TMEFF2: variants seen among roughly 807,000 people sequenced by gnomAD.
The protein encoded by TMEFF2 is tomoregulin-2.
TMEFF2 carries 28 observed loss-of-function variants against 53.8 expected under a neutral mutation model. The ratio of observed to expected loss-of-function variants is 0.52; its 90% CI spans 0.39 to 0.71. The LOEUF (loss-of-function observed/expected upper bound fraction) is 0.71, where lower values mean the gene tolerates loss of function less well. Among genes scored for constraint, TMEFF2 ranks in the 30% least tolerant of loss-of-function variants. The pLI is 0.00. For synonymous variants in TMEFF2, 162 were observed against 166.3 expected, an observed-to-expected ratio of 0.97 and a Z score of 0.20; for missense variants, 353 against 455.2, an observed-to-expected ratio of 0.78 and a Z score of 2.04.
chr2:192,033,408 T>C (rs1374137559), intron 5 of TMEFF2, among the ~76,000 whole-genome samples: 2 of 152,264 alleles, frequency 1.3e-5, no homozygotes, highest in South Asian at 4.2e-4. Flanking sequence ...TTAAGAAATT[T>C]GCATAAGGCC....
At chr2:191,984,392 TTC>T (rs1250469160) in intron 7 of TMEFF2, among the ~76,000 whole-genome samples, 8 of 152,102 alleles carry the variant, frequency 5.3e-5, no homozygotes, top group Non-Finnish European at 1.2e-4. Flanking sequence ...CTTCCTTACT[TTC>T]TGTTTATCCA....
intron 4 of TMEFF2, among the ~76,000 whole-genome samples, chr2:192,064,329 G>A (rs1688118394): frequency 6.6e-6 from 1 of 151,372 alleles, no homozygotes; most frequent in African/African-American, 2.4e-5. Flanking sequence ...CATTCTTATT[G>A]TCATGTATTT....
intron 4 of TMEFF2, among the ~76,000 whole-genome samples, chr2:192,058,511 A>C (rs1379469817): frequency 6.6e-6 from 1 of 152,182 alleles, no homozygotes. Flanking sequence ...TTACAAGTGC[A>C]AAAATAGGCA....
Position 191,961,380 on chromosome 2 carries a change from AAAAC to A in TMEFF2, c.746-5006_746-5003del, listed in dbSNP as rs772804644. Among the ~76,000 whole-genome samples, 160 of 152,308 alleles carry A rather than the reference AAAAC, an allele frequency of 1.1e-3. 1 individual carries two copies. The highest frequency in any genetic ancestry group is 2.2e-3 in the Admixed American group (34 of 15,296). On this transcript the variant is annotated intron_variant, in intron 7 of 9. Transcript: ENST00000272771. ...ACAAAATGTGTCATACTTCTATAGA[AAAAC>A]AAAAATTTTCAGTTTTGAATGTGTT... is the stretch of plus-strand genomic sequence containing the variant.
intron 4 of TMEFF2, among the ~76,000 whole-genome samples, chr2:192,069,660 A>G (rs1040695357): frequency 6.6e-6 from 1 of 151,790 alleles, no homozygotes; most frequent in Non-Finnish European, 1.5e-5. Flanking sequence ...GAAAATAAAT[A>G]TTTGTGGAAA....
chr2:192,163,294 C>T (rs143373401), intron 4 of TMEFF2, among the ~76,000 whole-genome samples: 2,254 of 152,240 alleles, frequency 0.015, 52 homozygotes, highest in African/African-American at 0.051. Context: ...AAAGGTGTTG[C>T]TAGTGATAAG....
At chr2:192,152,332 A>C (rs1227316551) in intron 4 of TMEFF2, among the ~76,000 whole-genome samples, 1 of 151,954 alleles carries the variant, frequency 6.6e-6, no homozygotes, top group Non-Finnish European at 1.5e-5. Context: ...CAATTCACCA[A>C]ATCAGAGATT....
intron 4 of TMEFF2, among the ~76,000 whole-genome samples, chr2:192,171,598 C>T (rs1302277355): frequency 6.6e-6 from 1 of 152,010 alleles, no homozygotes; most frequent in Non-Finnish European, 1.5e-5. Context: ...CTCATTTTAG[C>T]CCAACTAACA....
At chr2:192,107,149 A>G (rs1401585823) in intron 4 of TMEFF2, among the ~76,000 whole-genome samples, 4 of 151,798 alleles carry the variant, frequency 2.6e-5, no homozygotes, top group Admixed American at 2.6e-4. Context: ...TTTATTCTCT[A>G]TTTACTGTGG....
intron 4 of TMEFF2, among the ~76,000 whole-genome samples, chr2:192,145,575 A>C (rs938867978): frequency 6.6e-6 from 1 of 151,986 alleles, no homozygotes; most frequent in Non-Finnish European, 1.5e-5. Context: ...CAAAGCATTC[A>C]TCTTAAATAA....
At chr2:192,148,846 T>C (rs1559147019) in intron 4 of TMEFF2, among the ~76,000 whole-genome samples, 1 of 152,020 alleles carries the variant, frequency 6.6e-6, no homozygotes, top group Non-Finnish European at 1.5e-5. Context: ...GAAAGCCAAA[T>C]TATAGCAGCC....
intron 9 of TMEFF2, among the ~76,000 whole-genome samples, chr2:191,953,464 A>G (rs1465922559): frequency 3.9e-5 from 6 of 152,238 alleles, no homozygotes; most frequent in Admixed American, 3.9e-4. Context: ...AATCTTTATC[A>G]TCAGGCAAAA....
At chr2:192,139,874 C>CT (rs1391047977) in intron 4 of TMEFF2, among the ~76,000 whole-genome samples, 1 of 152,158 alleles carries the variant, frequency 6.6e-6, no homozygotes. Context: ...TTTAGGGATT[C>CT]TAATTGTAAA....
chr2:192,051,008 G>A (rs1156917494), intron 5 of TMEFF2, among the ~76,000 whole-genome samples: 1 of 151,966 alleles, frequency 6.6e-6, no homozygotes, highest in Non-Finnish European at 1.5e-5. Flanking sequence ...GGAATGAGAG[G>A]TATCTACTCT....
chr2:192,180,839 G>T lies in TMEFF2; in HGVS notation c.413-1145C>A, dbSNP rs1015401352. Among the ~76,000 whole-genome samples, 3 of 151,804 alleles carry T rather than the reference G, an allele frequency of 2.0e-5. No homozygotes were observed. In the East Asian group the frequency reaches 5.8e-4, roughly 29 times the overall value. On this transcript the variant is annotated intron_variant, in intron 3 of 9. Transcript: ENST00000272771. ...TGTTTGTCATGTATTGGCATTAGCAGTACCATGAAGGAGCAGTAGTTTGAA... is the reference window on the plus strand; with the variant it reads ...TGTTTGTCATGTATTGGCATTAGCATTACCATGAAGGAGCAGTAGTTTGAA...
At chr2:192,024,757 T>C (rs1283861959) in intron 5 of TMEFF2, among the ~76,000 whole-genome samples, 1 of 152,238 alleles carries the variant, frequency 6.6e-6, no homozygotes, top group African/African-American at 2.4e-5. Flanking sequence ...CAATGACTTT[T>C]GCAAAAACAT....
intron 4 of TMEFF2, among the ~76,000 whole-genome samples, chr2:192,165,710 T>C (rs1243003241): frequency 2.6e-5 from 4 of 151,408 alleles, no homozygotes; most frequent in East Asian, 1.9e-4. Flanking sequence ...AGGCAACTAC[T>C]GCATTTTTCT....
At chr2:192,096,528 T>C (rs1688908067) in intron 4 of TMEFF2, among the ~76,000 whole-genome samples, 1 of 152,124 alleles carries the variant, frequency 6.6e-6, no homozygotes, top group African/African-American at 2.4e-5. Context: ...GAATATTATT[T>C]TAAAAATTTA....
chr2:192,126,726 T>C (rs1320290248), intron 4 of TMEFF2, among the ~76,000 whole-genome samples: 1 of 152,200 alleles, frequency 6.6e-6, no homozygotes, highest in Non-Finnish European at 1.5e-5. Context: ...GTTAGGAAAC[T>C]GAGGCTCAGA....
Sources: allele counts gnomAD v4.1 joint callset (sites outside exome capture counted in the v4.1 genomes callset), GRCh38; gene constraint gnomAD v4.1.1; transcripts MANE v1.5; gene names NCBI Gene and HGNC (gene_info 2026-07-23, HGNC 2026-07-21).